Variants in TTLL5 observed in about 807,000 individuals in gnomAD.
TTLL5 encodes the protein tubulin polyglutamylase TTLL5.
A neutral mutation model predicts 168.4 loss-of-function variants in TTLL5; 132 were observed. That is an observed-to-expected ratio of 0.78 (90% CI 0.68 to 0.91). The LOEUF is 0.91. Among genes scored for constraint, TTLL5 ranks in the 40% least tolerant of loss-of-function variants. The pLI, the probability that TTLL5 is intolerant of heterozygous loss-of-function variation, is 0.00. For synonymous variants in TTLL5, 546 were observed against 558.6 expected (o/e 0.98, Z 0.32); for missense variants, 1,545 against 1,581.5 (o/e 0.98, Z 0.39).
chr14:75,727,828 A>G (rs765035844), intron 12 of TTLL5: 6 of 504,096 alleles, frequency 1.2e-5, no homozygotes, highest in Admixed American at 8.1e-5. Context: ...TCTGTGATGA[A>G]AGAAATAAGA....
At chr14:75,821,639 T>C (rs948261344) in intron 28 of TTLL5, among the ~76,000 whole-genome samples, 1 of 152,184 alleles carries the variant, frequency 6.6e-6, no homozygotes, top group Admixed American at 6.5e-5. Flanking sequence ...TAATAACAAT[T>C]GTGGCTGGGT....
At chr14:75,911,129 A>G (rs2033365658) in intron 31 of TTLL5, among the ~76,000 whole-genome samples, 1 of 152,066 alleles carries the variant, frequency 6.6e-6, no homozygotes, top group Admixed American at 6.6e-5. Context: ...CCAGGTCCAA[A>G]CAACTCTCGA....
chr14:75,776,955 T>C (rs1891752929), intron 23 of TTLL5, 105 bp downstream of exon 23: 5 of 953,742 alleles, frequency 5.2e-6, no homozygotes, highest in Non-Finnish European at 7.9e-6. Flanking sequence ...GTGAATGAAA[T>C]CACTCTTAAA....
chr14:75,737,124 T>C lies in TTLL5; in HGVS notation c.1281+1835T>C, dbSNP rs534590830. Among the ~76,000 whole-genome samples, 9 of 152,392 alleles carry C rather than the reference T, an allele frequency of 5.9e-5. No individual in the cohort carries two copies. The South Asian group carries it at 1.9e-3, about 32-fold the overall frequency. ...TTGGTCCCTTTTCTTAGTTTGCCTG[T>C]CAGCTTTATTGGCAACTCTTTGCAA... is the stretch of plus-strand genomic sequence containing the variant. On this transcript the variant is annotated intron_variant, in intron 15 of 31. Coordinates refer to ENST00000298832, the MANE Select transcript of TTLL5 (RefSeq NM_015072.5).
chr14:75,867,582 A>T (rs577042296), intron 29 of TTLL5, among the ~76,000 whole-genome samples: 2 of 152,294 alleles, frequency 1.3e-5, no homozygotes, highest in African/African-American at 4.8e-5. Flanking sequence ...CAATATGGTG[A>T]AACCCCGTCT....
At chr14:75,789,783 C>T (rs1197870576) in intron 26 of TTLL5, among the ~76,000 whole-genome samples, 1 of 152,092 alleles carries the variant, frequency 6.6e-6, no homozygotes, top group East Asian at 1.9e-4. Context: ...TCAAAGTTTC[C>T]ATTTTCATCA....
chr14:75,744,251 T>G (rs1178006804), intron 15 of TTLL5: 1 of 152,252 alleles, frequency 6.6e-6, no homozygotes, highest in Non-Finnish European at 1.5e-5. Flanking sequence ...ATTTGTCTTA[T>G]TTTTGTCTGT....
chr14:75,727,212 A>G (rs922852295), intron 12 of TTLL5, among the ~76,000 whole-genome samples: 3 of 152,228 alleles, frequency 2.0e-5, no homozygotes, highest in Admixed American at 6.5e-5. Context: ...AACCGAAACC[A>G]TATGTTTATA....
intron 31 of TTLL5, among the ~76,000 whole-genome samples, chr14:75,911,509 A>G (rs568027319): frequency 6.6e-6 from 1 of 152,292 alleles, no homozygotes; most frequent in African/African-American, 2.4e-5. Context: ...TGCTGTATGT[A>G]TCATTTAGTT....
At chr14:75,871,151 G>A (rs2031002034) in intron 29 of TTLL5, among the ~76,000 whole-genome samples, 1 of 152,172 alleles carries the variant, frequency 6.6e-6, no homozygotes, top group South Asian at 2.1e-4. Flanking sequence ...TTACAATACA[G>A]ACTTTCTTTC....
chr14:75,664,530 T>G (rs1375095814), intron 2 of TTLL5, among the ~76,000 whole-genome samples: 1 of 152,228 alleles, frequency 6.6e-6, no homozygotes, highest in Non-Finnish European at 1.5e-5. Flanking sequence ...TAAGGCATTA[T>G]TTTTACTGGT....
chr14:75,729,387 A>C (rs977380337), intron 12 of TTLL5, among the ~76,000 whole-genome samples: 1 of 152,358 alleles, frequency 6.6e-6, no homozygotes, highest in East Asian at 1.9e-4. Flanking sequence ...TATGCTCAGC[A>C]CAACCTACTC....
At chr14:75,904,176 A>T (rs1358138810) in intron 31 of TTLL5, 2 of 1,258,646 alleles carry the variant, frequency 1.6e-6, no homozygotes, top group Non-Finnish European at 2.1e-6. Context: ...GAAATACTTG[A>T]TGGGTATCTA....
At chr14:75,695,595 C>T (rs969179885) in intron 6 of TTLL5, among the ~76,000 whole-genome samples, 4 of 152,086 alleles carry the variant, frequency 2.6e-5, no homozygotes, top group Non-Finnish European at 5.9e-5. Context: ...TGATGTCTCC[C>T]CTGGACACCA....
chr14:75,748,781 C>A (rs1249083445), intron 17 of TTLL5, among the ~76,000 whole-genome samples: 1 of 152,162 alleles, frequency 6.6e-6, no homozygotes, highest in Non-Finnish European at 1.5e-5. Context: ...TGTCAGACTT[C>A]TTAATTTTTG....
chr14:75,841,725 C>CT (rs749250143), intron 28 of TTLL5, among the ~76,000 whole-genome samples: 3 of 151,978 alleles, frequency 2.0e-5, no homozygotes, highest in Non-Finnish European at 4.4e-5. Flanking sequence ...ACTGAAATAT[C>CT]TATGTCCATA....
intron 18 of TTLL5, among the ~76,000 whole-genome samples, chr14:75,762,651 T>C (rs1033391029): frequency 1.3e-5 from 2 of 152,194 alleles, no homozygotes; most frequent in Non-Finnish European, 2.9e-5. Context: ...CTATCCCTTG[T>C]ACTATTTAGG....
At chr14:75,786,574 A>G (rs1217198030) in intron 26 of TTLL5, among the ~76,000 whole-genome samples, 4 of 152,232 alleles carry the variant, frequency 2.6e-5, no homozygotes, top group African/African-American at 9.6e-5. Context: ...ACAAAAATAT[A>G]TAATTGACAA....
intron 1 of TTLL5, among the ~76,000 whole-genome samples, chr14:75,662,475 C>G (rs1019935403): frequency 1.1e-4 from 16 of 151,008 alleles, no homozygotes; most frequent in Non-Finnish European, 1.9e-4. Flanking sequence ...CAGGCATGAG[C>G]CAGCACACCC....
Sources: allele counts gnomAD v4.1 joint callset (sites outside exome capture counted in the v4.1 genomes callset), GRCh38; gene constraint gnomAD v4.1.1; transcripts MANE v1.5; gene names NCBI Gene and HGNC (gene_info 2026-07-23, HGNC 2026-07-21).